HELZ2: variants seen among roughly 807,000 people sequenced by gnomAD.
HELZ2 encodes helicase with zinc finger 2, also known as 3'-5' exoribonuclease HELZ2.
In HELZ2, 143 loss-of-function variants were observed where a neutral mutation model predicts 208.8. The ratio of observed to expected loss-of-function variants is 0.68; its 90% CI spans 0.60 to 0.79. HELZ2 has a LOEUF of 0.79. Among genes scored for constraint, HELZ2 ranks in the 30% least tolerant of loss-of-function variants. HELZ2 has a pLI of 0.00. For synonymous variants in HELZ2, 1,705 were observed against 1,693.7 expected, an observed-to-expected ratio of 1.01 and a Z score of -0.16; for missense variants, 3,690 against 3,794.5, an observed-to-expected ratio of 0.97 and a Z score of 0.72.
exon 4 of HELZ2, chr20:63,569,457 C>T (rs750692267): frequency 1.1e-5 from 17 of 1,609,876 alleles, no homozygotes; most frequent in African/African-American, 4.0e-5. Context: ...CAGCACCGGC[C>T]GGCGGCCAAA....
downstream of HELZ2, chr20:63,559,161 G>T: frequency 7.2e-7 from 1 of 1,392,186 alleles, no homozygotes; most frequent in Non-Finnish European, 9.5e-7. Flanking sequence ...GCCCAGGCAG[G>T]CTGATGGCGG....
exon 8 of HELZ2, chr20:63,565,493 T>C: frequency 6.2e-7 from 1 of 1,606,896 alleles, no homozygotes. Context: ...CAGGTTCTCG[T>C]ACAGCCGGGC....
intron 3 of HELZ2, 167 bp downstream of exon 4, chr20:63,570,337 G>T: frequency 1.4e-6 from 1 of 718,336 alleles, no homozygotes; most frequent in East Asian, 2.7e-5. Flanking sequence ...GTCTCTAGGT[G>T]AGGAGACTGA....
chr20:63,566,241 G>T lies in HELZ2; in HGVS notation c.2591-10C>A. 1.3e-6 allele frequency: 2 copies of T among 1,485,402 alleles called. No individual in the cohort carries two copies. Among genetic ancestry groups the T allele is most frequent in the Non-Finnish European group, 1.8e-6 (2 of 1,114,132 alleles). 92.0% of individuals were successfully genotyped at this position (1,485,402 alleles called of 1,614,324 possible). The stretch of plus-strand genomic sequence containing the variant: ...ACCCGGAACTGCCGCCCTGCAGGGG[G>T]CACGCAGTCAGGTCAGGCTGGGTGC... On this transcript the variant is annotated splice_polypyrimidine_tract_variant and intron_variant, in intron 7 of 18. Coordinates refer to ENST00000467148, the Ensembl canonical transcript of HELZ2.
chr20:63,564,105 G>A lies in HELZ2; in HGVS notation c.4717C>T (p.Arg1573Trp), dbSNP rs147812640. Residue 1573 changes from arginine (R) to tryptophan (W), a missense_variant, in exon 8 of 19, where the codon CGG (arginine) becomes TGG (tryptophan). Around this residue, in one of 3 missense-constraint regions of HELZ2, gnomAD observed 2,564 missense variants for 2,580.5 expected, o/e 0.99. Coordinates refer to ENST00000467148, the Ensembl canonical transcript of HELZ2. ...CCGAGGTGCAGTGACAGGGGCACCC[G>A]GTCCCCATGCTTCTCACACAGGGCC... 46 of 1,609,544 alleles carry A rather than the reference G, an allele frequency of 2.9e-5. No individual in the cohort carries two copies. Among genetic ancestry groups the A allele is most frequent in the East Asian group, 4.5e-5 (2 of 44,786 alleles).
chr20:63,561,288 T>C lies in HELZ2; in HGVS notation c.6954-14A>G. On this transcript the variant is annotated splice_polypyrimidine_tract_variant and intron_variant, in intron 13 of 18. Transcript: ENST00000467148. ...ACCTTCTTGTACCTGCCGGGGACAC[T>C]GCTTGTCACCCCAGGGCCCCCATGC... 1 of 1,612,454 alleles carries C rather than the reference T, an allele frequency of 6.2e-7. No individual in the cohort carries two copies. Among genetic ancestry groups the C allele is most frequent in the Non-Finnish European group, 8.5e-7 (1 of 1,179,658 alleles).
chr20:63,573,572 AC>A (rs1170306203), upstream of HELZ2, among the ~76,000 whole-genome samples: 1 of 151,832 alleles, frequency 6.6e-6, no homozygotes, highest in African/African-American at 2.4e-5. The surrounding 1 kb of genome is among the most constrained non-coding windows in gnomAD (Gnocchi z 4.9). Flanking sequence ...AGGAGGCCGC[AC>A]CCCTCTGCCC....
In HELZ2 at chr20:63,570,915, G is replaced by A. The variant is rs369807339; in HGVS notation, c.279-47C>T. The A allele has an allele frequency of 4.6e-5, 68 of 1,490,812 alleles. No homozygotes were observed. The Middle Eastern group carries it at 7.0e-4, about 15-fold the overall frequency. 92.3% of individuals were successfully genotyped at this position (1,490,812 alleles called of 1,614,324 possible). On this transcript the variant is annotated intron_variant, in intron 1 of 18. Coordinates refer to ENST00000467148, the Ensembl canonical transcript of HELZ2. ...AGGGCTACACAGAGGCACAGCCGCCGTGCTGAGTTCAAAGGCCGGGACCCC... is the reference window on the plus strand; with the variant it reads ...AGGGCTACACAGAGGCACAGCCGCCATGCTGAGTTCAAAGGCCGGGACCCC...
Position 63,562,886 on chromosome 20 carries a change from G to A in HELZ2, c.5936C>T (p.Pro1979Leu), listed in dbSNP as rs762863012. The change falls in exon 8 of 19, where the codon CCG (proline) becomes CTG (leucine). Residue 1979 changes from proline to leucine, a missense_variant. Pro to Leu is a moderately conservative substitution (Grantham distance 98). Around this residue, in one of 3 missense-constraint regions of HELZ2, gnomAD observed 2,564 missense variants for 2,580.5 expected, o/e 0.99. Coordinates refer to ENST00000467148, the Ensembl canonical transcript of HELZ2. ...GAAGGCGCCCTGCAGCTGCCCCTGC[G>A]GCGTCCGTGACGCCTCCCAGGAGAC... is the stretch of plus-strand genomic sequence containing the variant. 11 of 1,602,814 alleles carry A rather than the reference G, an allele frequency of 6.9e-6. No homozygotes were observed. The highest frequency in any genetic ancestry group is 3.4e-5 in the South Asian group (3 of 89,442).
rs137869270 is a variant in HELZ2 at position 63,562,867 on chromosome 20, G to A, written c.5955C>T (p.Gly1985=). The A allele has an allele frequency of 1.3e-4, 214 of 1,606,684 alleles. No individual in the cohort carries two copies. The African/African-American group carries it at 2.4e-3, about 18-fold the overall frequency. ...GGAAGGCGGCCTCCAGGCGGAAGGC[G>A]CCCTGCAGCTGCCCCTGCGGCGTCC... Residue 1985 remains glycine, a synonymous_variant, in exon 8 of 19, where the codon GGC becomes GGT. Coordinates refer to ENST00000467148, the Ensembl canonical transcript of HELZ2.
Position 63,561,589 on chromosome 20 carries a change from C to T in HELZ2, c.6836+12G>A. ...CCCCACTCCGCCCAAGCCCCAAAGA[C>T]AGCAGGCACACCTGAGGCTCTGGTT... On this transcript the variant is annotated intron_variant, in intron 12 of 18. Coordinates refer to ENST00000467148, the Ensembl canonical transcript of HELZ2. 1 of 1,595,432 alleles carries T rather than the reference C, an allele frequency of 6.3e-7. No individual in the cohort carries two copies.
chr20:63,563,286 G>C, exon 8 of HELZ2: 2 of 1,551,934 alleles, frequency 1.3e-6, no homozygotes, highest in Non-Finnish European at 1.7e-6. Flanking sequence ...TCCTGGATGA[G>C]AGCAGCCGCC....
chr20:63,563,677 T>A, exon 8 of HELZ2: 1 of 1,573,566 alleles, frequency 6.4e-7, no homozygotes, highest in East Asian at 2.3e-5. Context: ...TCTGGGCAAG[T>A]GCGTGCTGGA....
At chr20:63,567,065 T>C in exon 6 of HELZ2, 1 of 1,612,162 alleles carries the variant, frequency 6.2e-7, no homozygotes, top group East Asian at 2.2e-5. Flanking sequence ...CTGGCGTGGA[T>C]GGGGTTGCCC....
intron 14 of HELZ2, 49 bp from the exon 16 acceptor site, chr20:63,560,978 C>A: frequency 1.9e-6 from 3 of 1,601,662 alleles, no homozygotes; most frequent in Non-Finnish European, 2.6e-6. Flanking sequence ...CCCAGAGGGA[C>A]CCCAGCCCCA....
rs1005017504 is a variant in HELZ2, at chr20:63,563,888, G to A, written c.4934C>T (p.Ser1645Leu). ...GCCCCGGGCGCAGCGGCCGAACGCC[G>A]AGCGCTCCAGGGCCTTGCGGAGGTC... Residue 1645 changes from serine to leucine, a missense_variant, in exon 8 of 19, where the codon TCG (serine) becomes TTG (leucine). This residue lies in a region of HELZ2 where 2,564 missense variants were observed against 2,580.5 expected (regional missense o/e 0.99). Coordinates refer to ENST00000467148, the Ensembl canonical transcript of HELZ2. 1.6e-5 allele frequency: 26 copies of A among 1,599,668 alleles called. No individual in the cohort carries two copies. The highest frequency in any genetic ancestry group is 2.7e-5 in the African/African-American group (2 of 74,642).
rs533867797 is a variant in HELZ2, at chr20:63,559,763, CAG to C, written c.7825+163_7825+164del. Among the ~76,000 whole-genome samples the C allele has an allele frequency of 1.0e-3, 108 of 105,826 alleles. 4 individuals carry two copies. The highest frequency in any genetic ancestry group is 3.8e-3 in the African/African-American group (102 of 26,638). The allele number at this position is 105,826 out of a possible 152,430, so 69.4% of individuals were successfully genotyped here. On this transcript the variant is annotated intron_variant, in intron 18 of 18. Transcript: ENST00000467148. ...GGAGTCAGGGTCAGGTGGGAGGAGT[CAG>C]GGTCAGATGGGAGTCAGTCAGAGTC...
intron 1 of HELZ2, 138 bp downstream of exon 2, chr20:63,571,970 T>A: frequency 1.0e-6 from 1 of 961,310 alleles, no homozygotes; most frequent in East Asian, 2.7e-5. Context: ...GGTGGGCTCC[T>A]GCCCTACTCC....
chr20:63,562,451 C>T (rs1228759989), intron 8 of HELZ2, 69 bp from the exon 10 acceptor site: 24 of 1,523,018 alleles, frequency 1.6e-5, no homozygotes, highest in Non-Finnish European at 2.0e-5. Context: ...CCCACGAGCT[C>T]CCCCCTCCTG....
Sources: gnomAD v4.1 joint callset for allele counts (sites outside exome capture counted in the v4.1 genomes callset) on GRCh38, gnomAD v4.1.1 for gene constraint, gnomAD v4.1.1 regional missense constraint, Gnocchi (gnomAD v3.1) non-coding constraint, MANE v1.5 for transcripts, NCBI Gene and HGNC (gene_info 2026-07-23, HGNC 2026-07-21) for gene names.